Variants in ARL15 observed in about 807,000 individuals in gnomAD.
The protein encoded by ARL15 is ARF like GTPase 15.
Under a neutral mutation model 25.2 loss-of-function variants are expected in ARL15, and 19 were observed. The observed-to-expected ratio is 0.75, with a 90% CI of 0.53 to 1.10. ARL15 has a LOEUF of 1.10. Ranked by LOEUF, ARL15 falls within the 50% of genes least tolerant of loss-of-function variation. The pLI, the probability that ARL15 is intolerant of heterozygous loss-of-function variation, is 0.00. For synonymous variants in ARL15, 94 were observed against 86.8 expected, an observed-to-expected ratio of 1.08 and a Z score of -0.46; for missense variants, 220 against 246.0, an observed-to-expected ratio of 0.89 and a Z score of 0.71.
At chr5:53,946,480 A>T (rs1329379768) in intron 4 of ARL15, among the ~76,000 whole-genome samples, 1 of 149,974 alleles carries the variant, frequency 6.7e-6, no homozygotes. Context: ...AAAAAAAAAA[A>T]GACATAATAA....
intron 3 of ARL15, among the ~76,000 whole-genome samples, chr5:54,121,119 G>A (rs922045831): frequency 1.3e-5 from 2 of 152,150 alleles, no homozygotes; most frequent in Non-Finnish European, 1.5e-5. Flanking sequence ...AAGTGGAATA[G>A]TAAATTTGTC....
intron 2 of ARL15, among the ~76,000 whole-genome samples, chr5:54,165,647 A>C (rs1201845380): frequency 6.6e-6 from 1 of 151,028 alleles, no homozygotes; most frequent in Non-Finnish European, 1.5e-5. Context: ...CTTTGTTCTC[A>C]AGAGAAAAAA....
chr5:54,044,770 A>G (rs887652646), intron 4 of ARL15, among the ~76,000 whole-genome samples: 2 of 152,216 alleles, frequency 1.3e-5, no homozygotes, highest in African/African-American at 4.8e-5. Flanking sequence ...TGTGACCATT[A>G]CATTTTAAAA....
At chr5:53,950,357 C>G (rs147769235) in intron 4 of ARL15, among the ~76,000 whole-genome samples, 1 of 151,786 alleles carries the variant, frequency 6.6e-6, no homozygotes, top group Non-Finnish European at 1.5e-5. Context: ...AGAAAGACGA[C>G]GATGTCATGA....
At chr5:54,216,243 A>G (rs1756202779) in intron 1 of ARL15, among the ~76,000 whole-genome samples, 1 of 152,220 alleles carries the variant, frequency 6.6e-6, no homozygotes, top group Non-Finnish European at 1.5e-5. Flanking sequence ...ACTCTTTCAA[A>G]AAGTATCACT....
chr5:54,154,420 C>CAT (rs2067124), intron 3 of ARL15, 160 bp downstream of exon 3: 118,136 of 555,026 alleles, frequency 0.21, 16,404 homozygotes, highest in East Asian at 0.66. Flanking sequence ...ATTTTTAAAA[C>CAT]ATACGAAGAG....
chr5:54,008,311 C>T (rs1331871096), intron 4 of ARL15, among the ~76,000 whole-genome samples: 2 of 152,298 alleles, frequency 1.3e-5, no homozygotes, highest in Middle Eastern at 3.4e-3. Context: ...TGTACATGAA[C>T]TGCATTTTAG....
At chr5:54,022,401 T>C (rs2111844949) in intron 4 of ARL15, among the ~76,000 whole-genome samples, 1 of 152,148 alleles carries the variant, frequency 6.6e-6, no homozygotes, top group Non-Finnish European at 1.5e-5. Context: ...GAAGGTGCTT[T>C]CTCTGAAGTT....
rs1300926302 is a variant in ARL15 at position 53,931,881 on chromosome 5, T to G, written c.463-45168A>C. 2.0e-5 allele frequency among the ~76,000 whole-genome samples: 3 copies of G among 152,202 alleles called. No homozygotes were observed. In the East Asian group the frequency reaches 5.8e-4, roughly 29 times the overall value. ...TTTAAGTAAGCCTGTAGGCTAGAGG[T>G]TTGGGCTTGGGACTTATATATCATC... is the stretch of plus-strand genomic sequence containing the variant. On this transcript the variant is annotated intron_variant, in intron 4 of 4. Coordinates refer to ENST00000504924, the MANE Select transcript of ARL15 (RefSeq NM_019087.3).
chr5:54,057,807 C>A (rs548244400), intron 4 of ARL15, among the ~76,000 whole-genome samples: 2 of 152,208 alleles, frequency 1.3e-5, no homozygotes, highest in South Asian at 2.1e-4. Context: ...CATGGTTGCA[C>A]CTCTCGACTT....
intron 4 of ARL15, among the ~76,000 whole-genome samples, chr5:54,031,052 G>T (rs756336956): frequency 6.6e-6 from 1 of 152,118 alleles, no homozygotes; most frequent in Non-Finnish European, 1.5e-5. Context: ...TGTACAGATG[G>T]TACATGTGTA....
chr5:54,030,603 T>C (rs1749950374), intron 4 of ARL15, among the ~76,000 whole-genome samples: 1 of 152,174 alleles, frequency 6.6e-6, no homozygotes, highest in Admixed American at 6.5e-5. Flanking sequence ...CACCAGCTAA[T>C]TCAAAGGTCC....
intron 1 of ARL15, among the ~76,000 whole-genome samples, chr5:54,225,274 A>G (rs1324388415): frequency 6.6e-6 from 1 of 152,180 alleles, no homozygotes; most frequent in Non-Finnish European, 1.5e-5. Flanking sequence ...AGAAAAAAAG[A>G]TGGCACCATG....
In ARL15 at chr5:53,892,499, C is replaced by T. The variant is rs1744748268; in HGVS notation, c.463-5786G>A. Reference sequence around the variant, plus strand: ...TACTGCTTTCTTGTAAGTTTAAATACACAGTGTCCATTGCATGGCATGTAT... The same window carrying T: ...TACTGCTTTCTTGTAAGTTTAAATATACAGTGTCCATTGCATGGCATGTAT... On this transcript the variant is annotated intron_variant, in intron 4 of 4. Transcript: ENST00000504924. Among the ~76,000 whole-genome samples, 6 of 152,182 alleles carry T rather than the reference C, an allele frequency of 3.9e-5. No homozygotes were observed. The South Asian group carries it at 1.0e-3, about 26-fold the overall frequency.
intron 4 of ARL15, among the ~76,000 whole-genome samples, chr5:53,935,916 T>C (rs1746334989): frequency 6.6e-6 from 1 of 152,098 alleles, no homozygotes; most frequent in Non-Finnish European, 1.5e-5. Context: ...ACCCAGCTAA[T>C]TTTTGTAATT....
intron 4 of ARL15, among the ~76,000 whole-genome samples, chr5:53,915,956 A>C (rs1745631191): frequency 6.6e-6 from 1 of 152,186 alleles, no homozygotes. Context: ...ACTCAGGTTG[A>C]AGTGCAGTGG....
chr5:53,984,381 C>T (rs1392724528), intron 4 of ARL15, among the ~76,000 whole-genome samples: 3 of 152,074 alleles, frequency 2.0e-5, no homozygotes, highest in East Asian at 1.9e-4. Context: ...ATCCTGCTTG[C>T]TTTTCCCTTT....
rs188758687 is a variant in ARL15, at chr5:53,894,239, G to C, written c.463-7526C>G. On this transcript the variant is annotated intron_variant, in intron 4 of 4. Coordinates refer to ENST00000504924, the MANE Select transcript of ARL15 (RefSeq NM_019087.3). ...ATTGAAAACCAGACAAATAATTGCA[G>C]GTAATCACCTGTGATTGAGCCTTGC... 3.2e-3 allele frequency among the ~76,000 whole-genome samples: 481 copies of C among 152,296 alleles called. 9 individuals are homozygous for C. Among genetic ancestry groups the C allele is most frequent in the Admixed American group, 0.028 (432 of 15,290 alleles).
chr5:54,048,401 ATATATAT>A (rs1750597327), intron 4 of ARL15: 3 of 80,446 alleles, frequency 3.7e-5, no homozygotes, highest in African/African-American at 1.7e-4. Flanking sequence ...AATTATATAT[ATATATAT>A]TTTTTTTTTT....
Sources: gnomAD v4.1 joint callset for allele counts (sites outside exome capture counted in the v4.1 genomes callset) on GRCh38, gnomAD v4.1.1 for gene constraint, MANE v1.5 for transcripts, NCBI Gene and HGNC (gene_info 2026-07-23, HGNC 2026-07-21) for gene names.